Variants in BMAL2 observed in about 807,000 individuals in gnomAD.
The protein encoded by BMAL2 is basic helix-loop-helix ARNT like 2, also known as basic helix-loop-helix ARNT-like protein 2.
the BMAL2 span, among the ~76,000 whole-genome samples, chr12:27,395,335 T>C: frequency 6.6e-6 from 1 of 152,206 alleles, no homozygotes; most frequent in East Asian, 1.9e-4. Context: ...CATGACTGAA[T>C]ATATACATTC....
At chr12:27,357,217 T>G in the BMAL2 span, among the ~76,000 whole-genome samples, 1 of 152,220 alleles carries the variant, frequency 6.6e-6, no homozygotes, top group African/African-American at 2.4e-5. Flanking sequence ...TAAACATGCA[T>G]GTGCAAATAT....
the BMAL2 span, among the ~76,000 whole-genome samples, chr12:27,346,310 G>T: frequency 6.6e-5 from 10 of 152,098 alleles, no homozygotes; most frequent in African/African-American, 1.9e-4. Context: ...ACCCAGGCTG[G>T]AGTGCAGTGG....
At chr12:27,384,604 A>G in the BMAL2 span, among the ~76,000 whole-genome samples, 1 of 152,166 alleles carries the variant, frequency 6.6e-6, no homozygotes, top group Non-Finnish European at 1.5e-5. Flanking sequence ...ACCCTGGTGG[A>G]TGCCTGAAAC....
chr12:27,377,000 C>CAAAAAAAAAA, the BMAL2 span, among the ~76,000 whole-genome samples: 1 of 91,746 alleles, frequency 1.1e-5, no homozygotes, highest in African/African-American at 4.5e-5. Flanking sequence ...AACTCCGTCT[C>CAAAAAAAAAA]AAAAAAAAAA....
At chr12:27,368,553 C>T in the BMAL2 span, 1 of 1,080,964 alleles carries the variant, frequency 9.3e-7, no homozygotes, top group Non-Finnish European at 1.3e-6. Flanking sequence ...CCATCTGCTA[C>T]CTTTGTCGGT....
the BMAL2 span, among the ~76,000 whole-genome samples, chr12:27,378,060 C>T: frequency 2.0e-5 from 3 of 152,110 alleles, no homozygotes; most frequent in East Asian, 5.8e-4. Flanking sequence ...ATCAGATTGC[C>T]CCTAAACTAT....
At chr12:27,423,314 CTTTTCTTTTCTTTTTTTTTTTTT>C in the BMAL2 span, 1 of 127,914 alleles carries the variant, frequency 7.8e-6, no homozygotes, top group Non-Finnish European at 1.6e-5. Flanking sequence ...CTAGACTTTT[CTTTTCTTTTCTTTTTTTTTTTTT>C]TTTTTTTTTT....
At chr12:27,410,804 A>G in the BMAL2 span, among the ~76,000 whole-genome samples, 2 of 152,112 alleles carry the variant, frequency 1.3e-5, no homozygotes, top group African/African-American at 4.8e-5. Context: ...GAACACATGT[A>G]TGAATTTTTA....
chr12:27,368,550 C>A, the BMAL2 span: 1 of 1,102,604 alleles, frequency 9.1e-7, no homozygotes, highest in Middle Eastern at 2.7e-4. Context: ...CACCCATCTG[C>A]TACCTTTGTC....
At chr12:27,423,780 T>C in the BMAL2 span, 1 of 152,188 alleles carries the variant, frequency 6.6e-6, no homozygotes. Context: ...CGTCCTCATT[T>C]TTAAAAGGAG....
At chr12:27,365,615 C>G in the BMAL2 span, among the ~76,000 whole-genome samples, 4 of 151,680 alleles carry the variant, frequency 2.6e-5, no homozygotes, top group African/African-American at 9.7e-5. Context: ...AGTTAAAATT[C>G]TATAGAAAAT....
At chr12:27,387,394 C>A in the BMAL2 span, 1 of 990,232 alleles carries the variant, frequency 1.0e-6, no homozygotes. Flanking sequence ...AGCTCTTTTT[C>A]TGAACACCTT....
chr12:27,422,549 C>A, the BMAL2 span: 1 of 152,092 alleles, frequency 6.6e-6, no homozygotes, highest in Non-Finnish European at 1.5e-5. Flanking sequence ...TGATAGTGTC[C>A]CAGCAATGTT....
At chr12:27,353,885 C>A in the BMAL2 span, among the ~76,000 whole-genome samples, 3 of 152,122 alleles carry the variant, frequency 2.0e-5, no homozygotes, top group South Asian at 2.1e-4. Context: ...TCAAGAAAGA[C>A]AGAATGGCTA....
the BMAL2 span, chr12:27,400,531 T>C: frequency 1.3e-6 from 2 of 1,559,066 alleles, no homozygotes; most frequent in East Asian, 4.5e-5. Flanking sequence ...ATCTTTGAAT[T>C]AGAGCACAGA....
chr12:27,381,856 G>A, the BMAL2 span, among the ~76,000 whole-genome samples: 1 of 152,192 alleles, frequency 6.6e-6, no homozygotes, highest in Admixed American at 6.6e-5. Flanking sequence ...TAAAGATCTA[G>A]AAGATTATAG....
At chr12:27,422,443 C>T in the BMAL2 span, 2 of 152,188 alleles carry the variant, frequency 1.3e-5, no homozygotes, top group Admixed American at 1.3e-4. Context: ...GACAAACATA[C>T]CAACAGACAA....
the BMAL2 span, among the ~76,000 whole-genome samples, chr12:27,412,168 G>A: frequency 2.6e-5 from 4 of 152,172 alleles, no homozygotes; most frequent in African/African-American, 9.7e-5. Context: ...CATATATACT[G>A]CAAGGGCATT....
chr12:27,342,993 A>G, the BMAL2 span, among the ~76,000 whole-genome samples: 2 of 152,246 alleles, frequency 1.3e-5, no homozygotes, highest in East Asian at 1.9e-4. Flanking sequence ...GGGATGTTCA[A>G]TTCGCACCTC....
Sources: gnomAD v4.1 joint callset for allele counts (sites outside exome capture counted in the v4.1 genomes callset) on GRCh38, gnomAD v4.1.1 for gene constraint, MANE v1.5 for transcripts, NCBI Gene and HGNC (gene_info 2026-07-23, HGNC 2026-07-21) for gene names.